The following PRKCH variants were observed in gnomAD, a reference collection of about 807,000 sequenced individuals.
The protein encoded by PRKCH is protein kinase C eta.
PRKCH carries 28 observed loss-of-function variants against 82.5 expected under a neutral mutation model. The observed-to-expected ratio is 0.34, with a 90% CI of 0.25 to 0.47. The LOEUF is 0.47. Among genes scored for constraint, PRKCH ranks in the 20% least tolerant of loss-of-function variants. PRKCH has a pLI of 1.00. For missense variants in PRKCH, 705 were observed against 881.8 expected (o/e 0.80, Z 2.54); for synonymous variants, 322 against 327.4 (o/e 0.98, Z 0.18).
At chr14:61,327,199 A>T (rs192823246) in intron 1 of PRKCH, 6 of 444,632 alleles carry the variant, frequency 1.3e-5, no homozygotes, top group African/African-American at 1.2e-4. Context: ...TTTTGTAATC[A>T]GTCCTGTCAG....
At chr14:61,416,397 T>A (rs755583496) in intron 2 of PRKCH, among the ~76,000 whole-genome samples, 6 of 152,164 alleles carry the variant, frequency 3.9e-5, no homozygotes, top group Non-Finnish European at 8.8e-5. Context: ...CCATTGTTAG[T>A]ATAGATCACA....
chr14:61,531,712 C>A (rs1323247715), intron 12 of PRKCH, among the ~76,000 whole-genome samples: 1 of 152,180 alleles, frequency 6.6e-6, no homozygotes, highest in Non-Finnish European at 1.5e-5. Context: ...TGTCAGTACC[C>A]TCCTGAAACT....
intron 1 of PRKCH, chr14:61,278,258 T>C (rs2045222383): frequency 6.6e-6 from 1 of 152,240 alleles, no homozygotes; most frequent in South Asian, 2.1e-4. Context: ...TCTATATACA[T>C]ATAATGATCA....
chr14:61,452,560 C>T (rs1218613438), intron 6 of PRKCH, among the ~76,000 whole-genome samples: 4 of 152,158 alleles, frequency 2.6e-5, no homozygotes, highest in East Asian at 1.9e-4. Flanking sequence ...TTTCTTTGCT[C>T]GCCTCTTCAA....
rs71117807 is a variant in PRKCH, at chr14:61,281,870, C to CTTTTTTT, written c.-19+94227_-19+94233dup. The stretch of plus-strand genomic sequence containing the variant: ...TTCAACGCCTGCGTTCAAATTTTAG[C>CTTTTTTT]TTTTTTTTTTTTTTTTTTTTTTTTT... On this transcript the variant is annotated intron_variant, in intron 1 of 3. Transcript: ENST00000555185. The CTTTTTTT allele has an allele frequency of 1.8e-3, 174 of 94,844 alleles. 15 individuals are homozygous for CTTTTTTT. The highest frequency in any genetic ancestry group is 6.7e-3 in the African/African-American group (134 of 19,886). The allele number at this position is 94,844 out of a possible 1,614,324, so 5.9% of individuals were successfully genotyped here. A position where few individuals can be genotyped will look rare whatever the true frequency, so the allele number is the denominator to read the frequency against.
intron 2 of PRKCH, among the ~76,000 whole-genome samples, chr14:61,414,231 T>A (rs1468009319): frequency 6.6e-6 from 1 of 151,982 alleles, no homozygotes; most frequent in African/African-American, 2.4e-5. Flanking sequence ...CAGCTTCCTG[T>A]GTCCAGTCGT....
chr14:61,348,099 AG>A (rs1471063078), intron 1 of PRKCH: 1 of 152,216 alleles, frequency 6.6e-6, no homozygotes, highest in Non-Finnish European at 1.5e-5. Flanking sequence ...TCAGCCTTCC[AG>A]TTTTATCAGC....
chr14:61,504,380 G>A (rs1459149780), intron 10 of PRKCH, among the ~76,000 whole-genome samples: 1 of 152,014 alleles, frequency 6.6e-6, no homozygotes, highest in Non-Finnish European at 1.5e-5. Context: ...AGTAGAGATG[G>A]GGTCTCACTA....
chr14:61,483,687 C>G (rs766088707), intron 9 of PRKCH, among the ~76,000 whole-genome samples: 13 of 152,172 alleles, frequency 8.5e-5, no homozygotes, highest in Non-Finnish European at 1.9e-4. Context: ...CTGCTCTGCC[C>G]ATTGTTCAGC....
At chr14:61,262,228 A>G (rs1322612816) in intron 1 of PRKCH, among the ~76,000 whole-genome samples, 2 of 151,462 alleles carry the variant, frequency 1.3e-5, no homozygotes, top group Non-Finnish European at 2.9e-5. Flanking sequence ...ATAAAAAAAA[A>G]AAAAGAATAT....
At chr14:61,529,908 A>T (rs1178009569) in intron 11 of PRKCH, among the ~76,000 whole-genome samples, 2 of 9,704 alleles carry the variant, frequency 2.1e-4, no homozygotes, top group Non-Finnish European at 3.5e-3. Flanking sequence ...AGTATAATAA[A>T]AAAAAATATA....
chr14:61,536,891 CTTGTGAGTTCT>C (rs1424103237), intron 12 of PRKCH, among the ~76,000 whole-genome samples: 2 of 152,198 alleles, frequency 1.3e-5, no homozygotes, highest in African/African-American at 4.8e-5. Context: ...AGGTTGTGGA[CTTGTGAGTTCT>C]TTGTGTATAG....
At chr14:61,408,717 C>T (rs1307700896) in intron 2 of PRKCH, among the ~76,000 whole-genome samples, 3 of 152,136 alleles carry the variant, frequency 2.0e-5, no homozygotes, top group South Asian at 2.1e-4. Context: ...GAAGGAAATC[C>T]GTGCCCCATT....
intron 12 of PRKCH, chr14:61,543,968 G>C (rs570676498): frequency 6.6e-6 from 1 of 152,250 alleles, no homozygotes; most frequent in East Asian, 1.9e-4. Context: ...TCACTGGACG[G>C]GGGTAGTGGT....
At chr14:61,393,777 A>T (rs1190631791) in intron 2 of PRKCH, among the ~76,000 whole-genome samples, 3 of 152,206 alleles carry the variant, frequency 2.0e-5, no homozygotes, top group Non-Finnish European at 2.9e-5. Flanking sequence ...CAAGCCAATA[A>T]AACTGTGGTT....
intron 9 of PRKCH, chr14:61,463,311 C>T (rs1238421333): frequency 2.0e-5 from 3 of 152,174 alleles, no homozygotes; most frequent in Admixed American, 6.5e-5. Context: ...CAGGGCTTCC[C>T]AATGGCCAGC....
chr14:61,322,087 G>A lies in PRKCH; in HGVS notation c.-15G>A. The A allele has an allele frequency of 6.5e-7, 1 of 1,530,430 alleles. No homozygotes were observed. Among genetic ancestry groups the A allele is most frequent in the East Asian group, 2.5e-5 (1 of 40,574 alleles). The allele number at this position is 1,530,430 out of a possible 1,614,324, so 94.8% of individuals were successfully genotyped here. On this transcript the variant is annotated 5_prime_UTR_variant, in exon 1 of 14. Coordinates refer to ENST00000332981, the MANE Select transcript of PRKCH (RefSeq NM_006255.5). The stretch of plus-strand genomic sequence containing the variant: ...AAGCAGCGCGGCCCCCCGGGGCCGG[G>A]GCAGCGGCGCCGGCATGTCGTCTGG...
intron 1 of PRKCH, among the ~76,000 whole-genome samples, chr14:61,382,324 G>A (rs2046523015): frequency 6.6e-6 from 1 of 152,118 alleles, no homozygotes; most frequent in Non-Finnish European, 1.5e-5. Context: ...CAGCTACACT[G>A]GAGGCTTAGT....
intron 1 of PRKCH, among the ~76,000 whole-genome samples, chr14:61,276,305 C>G (rs1191449442): frequency 6.6e-6 from 1 of 151,444 alleles, no homozygotes; most frequent in Non-Finnish European, 1.5e-5. Context: ...GAGAAAAAAT[C>G]TGGAACACAA....
Sources: gnomAD v4.1 joint callset for allele counts (sites outside exome capture counted in the v4.1 genomes callset) on GRCh38, gnomAD v4.1.1 for gene constraint, MANE v1.5 for transcripts, NCBI Gene and HGNC (gene_info 2026-07-23, HGNC 2026-07-21) for gene names.